Variants in VPS13D observed in about 807,000 individuals in gnomAD.
VPS13D encodes vacuolar protein sorting 13 homolog D.
A neutral mutation model predicts 461.9 loss-of-function variants in VPS13D; 187 were observed. The ratio of observed to expected loss-of-function variants is 0.40; its 90% CI spans 0.36 to 0.46. The LOEUF is 0.46. Ranked by LOEUF, VPS13D falls within the 20% of genes least tolerant of loss-of-function variation. VPS13D has a pLI of 0.60. For missense variants in VPS13D, 4,711 were observed against 5,364.9 expected (o/e 0.88, Z 3.81); for synonymous variants, 1,951 against 1,986.3 (o/e 0.98, Z 0.47).
At chr1:12,341,654 C>T in intron 40 of VPS13D, 126 bp from the exon 41 acceptor site, 1 of 775,736 alleles carries the variant, frequency 1.3e-6, no homozygotes, top group Non-Finnish European at 2.1e-6. Flanking sequence ...CCTGTTCCTT[C>T]TTTCTTGCTT....
intron 65 of VPS13D, among the ~76,000 whole-genome samples, chr1:12,430,908 A>C (rs1318990644): frequency 6.6e-6 from 1 of 152,214 alleles, no homozygotes; most frequent in Non-Finnish European, 1.5e-5. Context: ...AGAATTAGCA[A>C]GTGAAAGTTG....
chr1:12,429,274 A>G (rs1644963323), intron 65 of VPS13D, among the ~76,000 whole-genome samples: 1 of 151,570 alleles, frequency 6.6e-6, no homozygotes, highest in Non-Finnish European at 1.5e-5. Flanking sequence ...TTCTTTTTTT[A>G]TGGAAACAAA....
intron 68 of VPS13D, among the ~76,000 whole-genome samples, chr1:12,500,413 C>G (rs1646019888): frequency 6.6e-6 from 1 of 152,012 alleles, no homozygotes; most frequent in Non-Finnish European, 1.5e-5. Flanking sequence ...ACTCATGTCT[C>G]ATTTGTAGCC....
chr1:12,494,326 G>A (rs1164673503), intron 67 of VPS13D, among the ~76,000 whole-genome samples: 1 of 152,102 alleles, frequency 6.6e-6, no homozygotes, highest in African/African-American at 2.4e-5. Context: ...TGGGTTTGCA[G>A]TTTACAGGTT....
intron 65 of VPS13D, among the ~76,000 whole-genome samples, chr1:12,447,082 C>T (rs1645202025): frequency 6.6e-6 from 1 of 152,194 alleles, no homozygotes; most frequent in Admixed American, 6.5e-5. Flanking sequence ...AGCCTGACTC[C>T]TCTTCCTTGT....
intron 65 of VPS13D, among the ~76,000 whole-genome samples, chr1:12,418,530 T>G (rs1299191145): frequency 6.6e-6 from 1 of 152,226 alleles, no homozygotes; most frequent in African/African-American, 2.4e-5. Flanking sequence ...ATTTCTTTGT[T>G]TTTGTACCCT....
At chr1:12,268,921 A>G in intron 16 of VPS13D, 45 bp downstream of exon 16, 1 of 1,579,884 alleles carries the variant, frequency 6.3e-7, no homozygotes, top group Non-Finnish European at 8.6e-7. Context: ...TTTGAAAAAC[A>G]TCTTTATTGT....
chr1:12,314,277 T>G lies in VPS13D; in HGVS notation c.7098T>G (p.Ala2366=), dbSNP rs985038395. Residue 2366 remains alanine, a synonymous_variant, in exon 30 of 70, where the codon GCT becomes GCG. Transcript: ENST00000620676. ...TGTTCAGCTGTATCTTTCAGCCCGC[T>G]AAGAACAGCAGCACCACCCAAGGGT... ...TNVFSCIFQP[A]KNSSTTQGSI... 17 of 1,614,048 alleles carry G rather than the reference T, an allele frequency of 1.1e-5. No homozygotes were observed. Among genetic ancestry groups the G allele is most frequent in the Admixed American group, 1.7e-5 (1 of 60,000 alleles).
Position 12,346,646 on chromosome 1 carries a change from G to T in VPS13D, c.9063G>T (p.Gln3021His). 3 of 1,612,622 alleles carry T rather than the reference G, an allele frequency of 1.9e-6. No individual in the cohort carries two copies. The highest frequency in any genetic ancestry group is 2.5e-6 in the Non-Finnish European group (3 of 1,179,556). ...GCAGAACAAATATTATACATCCCCA[G>T]GTTTATGTAAGTATGATTTTCCTGT... ...PSSRTNIIHP[Q>H]VYFSSLPPVR... The change falls in exon 44 of 70, where the codon CAG becomes CAT. Residue 3021 changes from glutamine to histidine, a missense_variant. Coordinates refer to ENST00000620676, the MANE Select transcript of VPS13D (RefSeq NM_015378.4).
intron 30 of VPS13D, 60 bp from the exon 31 acceptor site, chr1:12,318,012 G>A (rs1054377878): frequency 1.3e-6 from 2 of 1,528,076 alleles, no homozygotes; most frequent in African/African-American, 2.8e-5. Context: ...ACATTTGCAG[G>A]TTATTGAAAT....
chr1:12,249,420 T>C (rs1640664169), intron 6 of VPS13D, 81 bp downstream of exon 6: 4 of 1,100,536 alleles, frequency 3.6e-6, no homozygotes, highest in Non-Finnish European at 4.0e-6. Flanking sequence ...CATTTTGTGT[T>C]ATGTAAATGA....
At chr1:12,298,186 T>A (rs1459656050) in intron 24 of VPS13D, among the ~76,000 whole-genome samples, 1 of 152,160 alleles carries the variant, frequency 6.6e-6, no homozygotes, top group East Asian at 1.9e-4. Flanking sequence ...ATTTTATAGA[T>A]AAGGAAACGG....
intron 67 of VPS13D, among the ~76,000 whole-genome samples, chr1:12,493,982 G>A (rs1238688333): frequency 1.3e-5 from 2 of 152,036 alleles, no homozygotes; most frequent in African/African-American, 2.4e-5. Context: ...CCAGCTTTCT[G>A]CTTCTAGGAA....
chr1:12,474,313 G>T (rs1457342034), intron 67 of VPS13D, among the ~76,000 whole-genome samples: 1 of 152,144 alleles, frequency 6.6e-6, no homozygotes, highest in East Asian at 1.9e-4. Context: ...TTCAAAAATG[G>T]TTATATTTTC....
chr1:12,338,051 G>T, intron 39 of VPS13D, 180 bp from the exon 40 acceptor site: 37 of 457,222 alleles, frequency 8.1e-5, no homozygotes, highest in Middle Eastern at 5.8e-4. Context: ...GCATAAAAAT[G>T]TGTTCACTTT....
intron 55 of VPS13D, among the ~76,000 whole-genome samples, chr1:12,378,116 C>T (rs1644225760): frequency 6.6e-6 from 1 of 152,116 alleles, no homozygotes; most frequent in African/African-American, 2.4e-5. Context: ...GTGTAGGAGG[C>T]TGCCCCGCCA....
intron 50 of VPS13D, among the ~76,000 whole-genome samples, chr1:12,362,207 C>A (rs12070425): frequency 0.037 from 5,608 of 152,234 alleles, 362 homozygotes; most frequent in African/African-American, 0.13. Context: ...GAGCTGGATT[C>A]TTGGGCAATG....
chr1:12,358,589 A>G lies in VPS13D; in HGVS notation c.10129A>G (p.Ile3377Val). The G allele has an allele frequency of 6.2e-7, 1 of 1,614,048 alleles. No homozygotes were observed. Among genetic ancestry groups the G allele is most frequent in the Non-Finnish European group, 8.5e-7 (1 of 1,179,962 alleles). The change falls in exon 50 of 70, where the codon ATC becomes GTC. Residue 3377 changes from isoleucine to valine, a missense_variant. Physicochemically the swap from Ile to Val is conservative, Grantham distance 29. This residue lies in a region of VPS13D where 4,411 missense variants were observed against 4,937.8 expected (regional missense o/e 0.89). Transcript: ENST00000620676. ...CCAGCAAGGAAACCGCCCAGGGCTGATCTATAACATTGGTGGGTTACATTT... is the reference window on the plus strand; with the variant it reads ...CCAGCAAGGAAACCGCCCAGGGCTGGTCTATAACATTGGTGGGTTACATTT... ...VIQQGNRPGL[I>V]YNIGIDVKKG...
Position 12,277,354 on chromosome 1 carries a change from T to C in VPS13D, c.3766T>C (p.Ser1256Pro). Residue 1256 changes from serine (S) to proline (P), a missense_variant, in exon 19 of 70, where the codon TCT becomes CCT. Physicochemically the swap from Ser to Pro is moderately conservative, Grantham distance 74 (BLOSUM62 -1). Around this residue, in one of 3 missense-constraint regions of VPS13D, gnomAD observed 4,411 missense variants for 4,937.8 expected, o/e 0.89. Transcript: ENST00000620676. ...NIISDIGYFE[S>P]VFVRMEDAAL... ...CATCAGTGATATTGGCTACTTTGAA[T>C]CTGTGTTTGTCAGAATGGAAGATGC... is the stretch of plus-strand genomic sequence containing the variant. 1 of 1,614,240 alleles carries C rather than the reference T, an allele frequency of 6.2e-7. No homozygotes were observed. Among genetic ancestry groups the C allele is most frequent in the Non-Finnish European group, 8.5e-7 (1 of 1,180,042 alleles).
Sources: gnomAD v4.1 joint callset for allele counts (sites outside exome capture counted in the v4.1 genomes callset) on GRCh38, gnomAD v4.1.1 for gene constraint, gnomAD v4.1.1 regional missense constraint, MANE v1.5 for transcripts, NCBI Gene and HGNC (gene_info 2026-07-23, HGNC 2026-07-21) for gene names.